The following AXDND1 variants were observed in gnomAD, a reference collection of about 807,000 sequenced individuals.
AXDND1 encodes axonemal dynein light chain domain-containing protein 1.
In AXDND1, 110 loss-of-function variants were observed where a neutral mutation model predicts 137.5. The ratio of observed to expected loss-of-function variants is 0.80; its 90% CI spans 0.69 to 0.94. The LOEUF (loss-of-function observed/expected upper bound fraction) is 0.94. Among genes scored for constraint, AXDND1 ranks in the 40% least tolerant of loss-of-function variants. The probability of loss-of-function intolerance (pLI) is 0.00; values close to 1 mark genes in which losing one functional copy is unlikely to be tolerated. For missense variants in AXDND1, 1,191 were observed against 1,169.8 expected, an observed-to-expected ratio of 1.02 and a Z score of -0.26; for synonymous variants, 414 against 399.7, an observed-to-expected ratio of 1.04 and a Z score of -0.43.
chr1:179,541,015 G>A (rs889964219), intron 25 of AXDND1, among the ~76,000 whole-genome samples: 1 of 152,146 alleles, frequency 6.6e-6, no homozygotes, highest in South Asian at 2.1e-4. Context: ...AATAGCGAAC[G>A]CTCTTCCCCC....
At chr1:179,434,809 C>G (rs1657908254) in intron 15 of AXDND1, among the ~76,000 whole-genome samples, 1 of 152,098 alleles carries the variant, frequency 6.6e-6, no homozygotes, top group African/African-American at 2.4e-5. Context: ...TCTCACCTCT[C>G]CTATTCAACA....
intron 15 of AXDND1, among the ~76,000 whole-genome samples, chr1:179,438,279 T>C (rs1448054677): frequency 6.6e-6 from 1 of 152,260 alleles, no homozygotes; most frequent in Non-Finnish European, 1.5e-5. Context: ...TCTACGTTGG[T>C]GACACAAATA....
chr1:179,497,683 T>A (rs1335198713), intron 20 of AXDND1, among the ~76,000 whole-genome samples: 1 of 151,960 alleles, frequency 6.6e-6, no homozygotes, highest in Non-Finnish European at 1.5e-5. Flanking sequence ...GAGAAAGAAA[T>A]AAAAGGCCTC....
chr1:179,493,687 A>G (rs1005044224), intron 20 of AXDND1, among the ~76,000 whole-genome samples: 2 of 152,224 alleles, frequency 1.3e-5, no homozygotes, highest in Non-Finnish European at 2.9e-5. Context: ...AATTCGCTGT[A>G]TATTTCAAAA....
intron 24 of AXDND1, 91 bp downstream of exon 24, chr1:179,533,968 C>T: frequency 4.6e-6 from 5 of 1,082,508 alleles, no homozygotes; most frequent in Non-Finnish European, 7.0e-6. Flanking sequence ...TTCCCTTTGG[C>T]TCTCCTGCTT....
chr1:179,382,681 C>T lies in AXDND1; in HGVS notation c.582-19C>T, dbSNP rs1180165730. 4 of 1,571,312 alleles carry T rather than the reference C, an allele frequency of 2.5e-6. No homozygotes were observed. Among genetic ancestry groups the T allele is most frequent in the Non-Finnish European group, 2.6e-6 (3 of 1,144,360 alleles). ...GAAAATTTTCTTAAAATAACATTTA[C>T]CTATCTTATTTATTGTAGCAAATAC... On this transcript the variant is annotated intron_variant, in intron 6 of 25. Transcript: ENST00000367618.
chr1:179,465,338 ACAGT>A (rs552950816), intron 16 of AXDND1, among the ~76,000 whole-genome samples: 81 of 152,254 alleles, frequency 5.3e-4, no homozygotes, highest in African/African-American at 1.9e-3. Flanking sequence ...TTTCCTTCTA[ACAGT>A]CAGGACCCTC....
intron 4 of AXDND1, among the ~76,000 whole-genome samples, chr1:179,377,780 A>G (rs922502571): frequency 1.3e-5 from 2 of 152,176 alleles, no homozygotes; most frequent in Non-Finnish European, 2.9e-5. Flanking sequence ...GAAGAGAGGT[A>G]TGGGTGGAAA....
At chr1:179,406,970 G>A (rs1571686890) in intron 11 of AXDND1, among the ~76,000 whole-genome samples, 1 of 151,910 alleles carries the variant, frequency 6.6e-6, no homozygotes, top group Non-Finnish European at 1.5e-5. Context: ...TTGCTGTTTG[G>A]TGGTTTTCTG....
At chr1:179,384,859 G>T (rs1648946527) in intron 8 of AXDND1, among the ~76,000 whole-genome samples, 1 of 151,834 alleles carries the variant, frequency 6.6e-6, no homozygotes, top group Non-Finnish European at 1.5e-5. Flanking sequence ...ACCTCCCTGG[G>T]CTCAGGGGAT....
At position 179,461,123 on chromosome 1, in the gene AXDND1, G is replaced by A. The variant is rs542166809; in HGVS notation, c.1799-7320G>A. Among the ~76,000 whole-genome samples the A allele has an allele frequency of 4.1e-3, 626 of 152,216 alleles. 4 individuals carry two copies. The highest frequency in any genetic ancestry group is 0.014 in the African/African-American group (599 of 41,538). On this transcript the variant is annotated intron_variant, in intron 16 of 25. Transcript: ENST00000367618. ...TTGGTGTTTTAGTCATGAAGTTCTTGCCCATGCCTATGTCCTGAATGGTAT... is the reference window on the plus strand; with the variant it reads ...TTGGTGTTTTAGTCATGAAGTTCTTACCCATGCCTATGTCCTGAATGGTAT...
chr1:179,447,153 G>T (rs538643818), intron 16 of AXDND1, among the ~76,000 whole-genome samples: 19 of 152,054 alleles, frequency 1.2e-4, no homozygotes, highest in African/African-American at 4.3e-4. Context: ...GAATACAGGG[G>T]TATATTTGTT....
intron 25 of AXDND1, among the ~76,000 whole-genome samples, chr1:179,538,810 T>C (rs759360291): frequency 6.6e-6 from 1 of 151,518 alleles, no homozygotes; most frequent in African/African-American, 2.4e-5. Context: ...TCTCCCACTA[T>C]TATTGTGTGG....
At chr1:179,458,863 A>AT (rs935214370) in intron 16 of AXDND1, among the ~76,000 whole-genome samples, 28 of 144,738 alleles carry the variant, frequency 1.9e-4, no homozygotes, top group Middle Eastern at 3.6e-3. Context: ...CAACATTTTT[A>AT]TTTTTTTTTT....
intron 15 of AXDND1, among the ~76,000 whole-genome samples, chr1:179,443,001 G>A (rs1274240068): frequency 3.3e-5 from 5 of 152,168 alleles, no homozygotes; most frequent in African/African-American, 1.2e-4. Flanking sequence ...AAGGGGGGCG[G>A]TGATTGTCGA....
chr1:179,424,440 T>G (rs1656256944), intron 12 of AXDND1, among the ~76,000 whole-genome samples: 1 of 149,248 alleles, frequency 6.7e-6, no homozygotes, highest in Non-Finnish European at 1.5e-5. Flanking sequence ...TTTTTTTTTT[T>G]TTTTTGAGAC....
At chr1:179,460,668 A>T (rs1327687684) in intron 16 of AXDND1, among the ~76,000 whole-genome samples, 1 of 152,192 alleles carries the variant, frequency 6.6e-6, no homozygotes, top group Non-Finnish European at 1.5e-5. Flanking sequence ...TCCCAACAAC[A>T]GTGTAAAAGT....
At chr1:179,479,066 C>T (rs950234615) in intron 17 of AXDND1, among the ~76,000 whole-genome samples, 2 of 152,188 alleles carry the variant, frequency 1.3e-5, no homozygotes, top group East Asian at 3.9e-4. Context: ...AACCACTGCA[C>T]TGCAGCCTGG....
chr1:179,554,591 A>T lies in AXDND1; in HGVS notation c.*72A>T. On this transcript the variant is annotated 3_prime_UTR_variant, in exon 26 of 26. Transcript: ENST00000367618. ...CTCCAGGTGGGAGGAGAGCATGCCT[A>T]AACCCTGGTGGCCATTGTTCTGTAC... The T allele has an allele frequency of 6.2e-7, 1 of 1,608,884 alleles. No individual in the cohort carries two copies. Among genetic ancestry groups the T allele is most frequent in the Non-Finnish European group, 8.5e-7 (1 of 1,175,252 alleles).
Sources: gnomAD v4.1 joint callset for allele counts (sites outside exome capture counted in the v4.1 genomes callset) on GRCh38, gnomAD v4.1.1 for gene constraint, MANE v1.5 for transcripts, NCBI Gene and HGNC (gene_info 2026-07-23, HGNC 2026-07-21) for gene names.